BCAS3: variants seen among roughly 807,000 people sequenced by gnomAD.
BCAS3 encodes BCAS4/BCAS3 fusion.
A neutral mutation model predicts 116.1 loss-of-function variants in BCAS3; 53 were observed. The ratio of observed to expected loss-of-function variants is 0.46; its 90% CI spans 0.37 to 0.57. The LOEUF (loss-of-function observed/expected upper bound fraction) is 0.57. BCAS3 is among the 20% of genes least tolerant of loss of function. The pLI, the probability that BCAS3 is intolerant of heterozygous loss-of-function variation, is 0.00. For synonymous variants in BCAS3, 391 were observed against 408.2 expected (o/e 0.96, Z 0.51); for missense variants, 917 against 1,165.4 (o/e 0.79, Z 3.10).
chr17:60,688,352 T>C (rs1322347504), intron 3 of BCAS3, among the ~76,000 whole-genome samples: 1 of 151,776 alleles, frequency 6.6e-6, no homozygotes, highest in Non-Finnish European at 1.5e-5. Context: ...CAGGCTGGAG[T>C]ACAGTGGCAC....
chr17:61,273,803 G>A (rs1197961615), intron 22 of BCAS3, among the ~76,000 whole-genome samples: 2 of 149,482 alleles, frequency 1.3e-5, no homozygotes, highest in Admixed American at 6.6e-5. Context: ...ATCTTCAAGT[G>A]TATAGGTCTC....
At chr17:60,820,896 G>A (rs1427854543) in intron 7 of BCAS3, among the ~76,000 whole-genome samples, 3 of 152,154 alleles carry the variant, frequency 2.0e-5, no homozygotes, top group Non-Finnish European at 4.4e-5. Context: ...TTCAGTTGCT[G>A]TTAAATTATA....
At position 60,797,903 on chromosome 17, in the gene BCAS3, A is replaced by G. The variant is rs1374342013; in HGVS notation, c.404-10101A>G. Among the ~76,000 whole-genome samples, 6 of 152,278 alleles carry G rather than the reference A, an allele frequency of 3.9e-5. No homozygotes were observed. In the East Asian group the frequency reaches 1.2e-3, roughly 29 times the overall value. On this transcript the variant is annotated intron_variant, in intron 6 of 23. Transcript: ENST00000407086. ...AAAAAAATACAAAAATTAGCCAGGCATGGTGATGTGTGCCTGTAGTCCCAG... is the reference window on the plus strand; with the variant it reads ...AAAAAAATACAAAAATTAGCCAGGCGTGGTGATGTGTGCCTGTAGTCCCAG...
At chr17:60,737,494 A>G (rs2041097507) in intron 5 of BCAS3, among the ~76,000 whole-genome samples, 1 of 151,740 alleles carries the variant, frequency 6.6e-6, no homozygotes, top group Non-Finnish European at 1.5e-5. Flanking sequence ...TAGATTTTTA[A>G]TTTTAGATCT....
chr17:60,772,830 G>A (rs921305747), intron 6 of BCAS3, among the ~76,000 whole-genome samples: 11 of 151,970 alleles, frequency 7.2e-5, no homozygotes, highest in Admixed American at 2.6e-4. Context: ...CTGAGATCGC[G>A]CCACTGCACT....
At position 61,366,488 on chromosome 17, in the gene BCAS3, G is replaced by A. The variant is rs535411819; in HGVS notation, c.2426-1839G>A. Among the ~76,000 whole-genome samples, 123 of 152,374 alleles carry A rather than the reference G, an allele frequency of 8.1e-4. 1 individual carries two copies. Among genetic ancestry groups the A allele is most frequent in the African/African-American group, 2.7e-3 (113 of 41,598 alleles). ...TCCCTGGGGAGCTAGGCACCTGGGA[G>A]TTGTTGCCAAGGGTGGTTGAGTGTT... On this transcript the variant is annotated intron_variant, in intron 22 of 23. Coordinates refer to ENST00000407086, the MANE Select transcript of BCAS3 (RefSeq NM_017679.5). This position sits in a 1 kb window ranked among gnomAD's most constrained non-coding sequence, Gnocchi z 4.5.
intron 22 of BCAS3, among the ~76,000 whole-genome samples, chr17:61,121,200 A>G (rs1306804621): frequency 6.6e-6 from 1 of 152,180 alleles, no homozygotes; most frequent in Non-Finnish European, 1.5e-5. Context: ...GTTACGTTAC[A>G]TGCTTTCTGA....
Position 61,206,597 on chromosome 17 carries a change from C to T in BCAS3, c.2425+122033C>T, listed in dbSNP as rs146127152. 3.9e-3 allele frequency among the ~76,000 whole-genome samples: 598 copies of T among 151,838 alleles called. 5 individuals carry two copies. The highest frequency in any genetic ancestry group is 0.014 in the African/African-American group (563 of 41,414). On this transcript the variant is annotated intron_variant, in intron 22 of 23. Coordinates refer to ENST00000407086, the MANE Select transcript of BCAS3 (RefSeq NM_017679.5). ...GATGGATCACCCGAGGTCAGGAGTTCGAGACCAGCCTGATCAACGTGGTGA... is the reference window on the plus strand; with the variant it reads ...GATGGATCACCCGAGGTCAGGAGTTTGAGACCAGCCTGATCAACGTGGTGA...
At chr17:60,793,320 C>T (rs1598753018) in intron 6 of BCAS3, among the ~76,000 whole-genome samples, 2 of 152,128 alleles carry the variant, frequency 1.3e-5, no homozygotes, top group East Asian at 3.8e-4. Context: ...TGGTGTTGAA[C>T]TTCTGACCTC....
At chr17:60,710,099 G>A (rs1476797025) in intron 5 of BCAS3, among the ~76,000 whole-genome samples, 1 of 152,164 alleles carries the variant, frequency 6.6e-6, no homozygotes, top group Non-Finnish European at 1.5e-5. Context: ...TTACAGGCAT[G>A]AGCCACTGCA....
rs1465167099 is a variant in BCAS3, at chr17:61,246,728, A to C, written c.2426-121599A>C. 2.0e-5 allele frequency among the ~76,000 whole-genome samples: 3 copies of C among 152,100 alleles called. No homozygotes were observed. In the East Asian group the frequency reaches 5.8e-4, roughly 29 times the overall value. On this transcript the variant is annotated intron_variant, in intron 22 of 23. Transcript: ENST00000407086. ...GCAAGTCATGCTTTTGTTTTAATAC[A>C]ATATCAACCATTCAGCCTTGACATG...
intron 22 of BCAS3, among the ~76,000 whole-genome samples, chr17:61,280,594 A>T (rs2051154355): frequency 6.6e-6 from 1 of 152,228 alleles, no homozygotes; most frequent in African/African-American, 2.4e-5. Flanking sequence ...AGCAGGAGTA[A>T]CAGTACCTAC....
intron 7 of BCAS3, among the ~76,000 whole-genome samples, chr17:60,830,820 A>G (rs998582191): frequency 4.6e-5 from 7 of 151,466 alleles, no homozygotes; most frequent in Admixed American, 3.9e-4. Context: ...CAACTACTAT[A>G]ATATTCTAGA....
At chr17:61,152,071 C>T (rs1011707163) in intron 22 of BCAS3, among the ~76,000 whole-genome samples, 6 of 152,130 alleles carry the variant, frequency 3.9e-5, no homozygotes, top group African/African-American at 4.8e-5. Context: ...ACTTCAAGAC[C>T]GTGGACCTTG....
Position 61,380,552 on chromosome 17 carries a change from C to T in BCAS3, c.2594-11425C>T, listed in dbSNP as rs374570285. On this transcript the variant is annotated intron_variant, in intron 23 of 23. Coordinates refer to ENST00000407086, the MANE Select transcript of BCAS3 (RefSeq NM_017679.5). The surrounding 1 kb of genome is among the most constrained non-coding windows in gnomAD (Gnocchi z 4.2). ...TAAAAACCTTCCCCCCTGAGAGACA[C>T]GTGGCAGTGAAGTGTTTTGGTATGT... The T allele has an allele frequency of 1.6e-4, 250 of 1,598,032 alleles. No individual in the cohort carries two copies. In the African/African-American group the frequency reaches 2.8e-3, roughly 18 times the overall value.
rs1338708428 is a variant in BCAS3 at position 61,189,011 on chromosome 17, G to A, written c.2425+104447G>A. Among the ~76,000 whole-genome samples, 1 of 152,100 alleles carries A rather than the reference G, an allele frequency of 6.6e-6. No individual in the cohort carries two copies. Among genetic ancestry groups the A allele is most frequent in the Non-Finnish European group, 1.5e-5 (1 of 68,016 alleles). ...CCAGCTACTTGGGAGGTTAAAGCAG[G>A]AGAATTGCTTGAGGCCGGGAGATTG... On this transcript the variant is annotated intron_variant, in intron 22 of 23. Coordinates refer to ENST00000407086, the MANE Select transcript of BCAS3 (RefSeq NM_017679.5). The surrounding 1 kb of genome is among the most constrained non-coding windows in gnomAD (Gnocchi z 4.5).
intron 19 of BCAS3, among the ~76,000 whole-genome samples, chr17:61,067,726 C>CAAAAAA (rs377228440): frequency 7.3e-5 from 8 of 108,984 alleles, no homozygotes; most frequent in Non-Finnish European, 1.1e-4. Context: ...AACAAACAAA[C>CAAAAAA]AAAAAAAAAA....
At chr17:61,350,414 C>CAATAAAGA (rs1555844782) in intron 22 of BCAS3, among the ~76,000 whole-genome samples, 2 of 136,722 alleles carry the variant, frequency 1.5e-5, no homozygotes, top group Non-Finnish European at 3.1e-5. Context: ...GACTCTGTCT[C>CAATAAAGA]AATAAATAAA....
chr17:60,932,025 A>T (rs918696506), intron 13 of BCAS3, among the ~76,000 whole-genome samples: 12 of 152,126 alleles, frequency 7.9e-5, no homozygotes, highest in African/African-American at 2.7e-4. Context: ...GTGAGCTGAG[A>T]TCGCGCCACT....
Sources: allele counts gnomAD v4.1 joint callset (sites outside exome capture counted in the v4.1 genomes callset), GRCh38; gene constraint gnomAD v4.1.1; non-coding constraint Gnocchi (gnomAD v3.1); transcripts MANE v1.5; gene names NCBI Gene and HGNC (gene_info 2026-07-23, HGNC 2026-07-21).